The following LSAMP variants were observed in gnomAD, a reference collection of about 807,000 sequenced individuals.
LSAMP encodes the protein limbic system-associated membrane protein.
LSAMP carries 7 observed loss-of-function variants against 38.6 expected under a neutral mutation model. The observed-to-expected ratio is 0.18, with a 90% CI of 0.10 to 0.34. The LOEUF (loss-of-function observed/expected upper bound fraction) is 0.34. LSAMP is among the 10% of genes least tolerant of loss of function. LSAMP has a pLI of 1.00. For missense variants in LSAMP, 313 were observed against 420.0 expected (o/e 0.75, Z 2.23); for synonymous variants, 154 against 166.8 (o/e 0.92, Z 0.59).
intron 3 of LSAMP, among the ~76,000 whole-genome samples, chr3:115,953,255 G>C (rs143084387): frequency 6.6e-6 from 1 of 152,074 alleles, no homozygotes; most frequent in East Asian, 1.9e-4. Context: ...TGATTATTTA[G>C]GTGATTTTCC....
intron 1 of LSAMP, among the ~76,000 whole-genome samples, chr3:116,420,383 C>G (rs1202658001): frequency 6.6e-6 from 1 of 151,974 alleles, no homozygotes; most frequent in African/African-American, 2.4e-5. Context: ...CAGGCCTGAG[C>G]CATTGCGCCC....
chr3:116,338,531 A>G (rs2047951178), intron 1 of LSAMP, among the ~76,000 whole-genome samples: 2 of 152,024 alleles, frequency 1.3e-5, no homozygotes, highest in Non-Finnish European at 2.9e-5. Context: ...TAGGCAGGTA[A>G]GCTAGAAGCA....
chr3:116,292,846 G>C (rs927204559), intron 1 of LSAMP, among the ~76,000 whole-genome samples: 1 of 152,156 alleles, frequency 6.6e-6, no homozygotes, highest in African/African-American at 2.4e-5. Flanking sequence ...GAACCTAAGG[G>C]CATGTAAGGG....
At chr3:116,123,159 G>A (rs1708921268) in intron 1 of LSAMP, among the ~76,000 whole-genome samples, 1 of 152,196 alleles carries the variant, frequency 6.6e-6, no homozygotes, top group Admixed American at 6.5e-5. Context: ...GTTGGATCAT[G>A]TCTCCTCTAC....
chr3:115,949,801 A>G (rs1938223244), intron 3 of LSAMP, among the ~76,000 whole-genome samples: 1 of 152,058 alleles, frequency 6.6e-6, no homozygotes, highest in African/African-American at 2.4e-5. Flanking sequence ...AAAGAAAACT[A>G]CAGATCAGTA....
intron 1 of LSAMP, among the ~76,000 whole-genome samples, chr3:116,366,034 A>AG (rs2048348275): frequency 6.8e-6 from 1 of 146,168 alleles, no homozygotes; most frequent in Non-Finnish European, 1.5e-5. Flanking sequence ...AAAAAAAAAA[A>AG]AAAAAGAACT....
At chr3:115,923,128 C>T (rs983118799) in intron 3 of LSAMP, among the ~76,000 whole-genome samples, 1 of 152,192 alleles carries the variant, frequency 6.6e-6, no homozygotes, top group African/African-American at 2.4e-5. Flanking sequence ...TCTTTCCATG[C>T]TTCTGTGTTC....
chr3:115,945,538 C>T (rs1197891280), intron 3 of LSAMP, among the ~76,000 whole-genome samples: 2 of 152,038 alleles, frequency 1.3e-5, no homozygotes, highest in African/African-American at 4.8e-5. Context: ...TCAGGGCCAC[C>T]AAACTGTAAT....
chr3:115,996,418 G>A (rs1023585604), intron 3 of LSAMP, among the ~76,000 whole-genome samples: 2 of 151,950 alleles, frequency 1.3e-5, no homozygotes, highest in Non-Finnish European at 2.9e-5. Flanking sequence ...GTTATCCTTG[G>A]TCTGTTGTAA....
chr3:116,090,282 G>T (rs1013526618), intron 1 of LSAMP, among the ~76,000 whole-genome samples: 1 of 151,870 alleles, frequency 6.6e-6, no homozygotes, highest in Non-Finnish European at 1.5e-5. Context: ...AATTTGTAGA[G>T]GTCTACGTTT....
intron 1 of LSAMP, among the ~76,000 whole-genome samples, chr3:116,170,329 A>G (rs1710165552): frequency 6.6e-6 from 1 of 152,196 alleles, no homozygotes; most frequent in East Asian, 1.9e-4. Flanking sequence ...GCTTAGTGGC[A>G]TAAGATAGCA....
intron 1 of LSAMP, among the ~76,000 whole-genome samples, chr3:116,403,682 A>C (rs2048866672): frequency 6.6e-6 from 1 of 152,154 alleles, no homozygotes; most frequent in African/African-American, 2.4e-5. Flanking sequence ...TATGCAGTGA[A>C]TGTGTCTCAT....
intron 6 of LSAMP, among the ~76,000 whole-genome samples, chr3:115,828,812 T>G (rs1193477151): frequency 6.6e-6 from 1 of 152,194 alleles, no homozygotes; most frequent in Non-Finnish European, 1.5e-5. Flanking sequence ...AGTGGAAGCT[T>G]GGATTTTTGT....
chr3:115,812,298 T>C (rs1263530231), intron 6 of LSAMP, among the ~76,000 whole-genome samples: 2 of 152,212 alleles, frequency 1.3e-5, no homozygotes, highest in Admixed American at 6.5e-5. Flanking sequence ...TGAATTGTTA[T>C]AGGATCATAT....
chr3:116,172,152 T>C (rs185276513), intron 1 of LSAMP, among the ~76,000 whole-genome samples: 25 of 152,078 alleles, frequency 1.6e-4, no homozygotes, highest in Admixed American at 1.5e-3. Flanking sequence ...TTCTAGATCA[T>C]GTCAGGTACT....
chr3:116,095,779 G>A (rs147524681), intron 1 of LSAMP, among the ~76,000 whole-genome samples: 32 of 152,276 alleles, frequency 2.1e-4, no homozygotes, highest in African/African-American at 4.6e-4. Context: ...TCTGGATCAC[G>A]TCAGAAAAAT....
intron 1 of LSAMP, among the ~76,000 whole-genome samples, chr3:116,200,786 A>T (rs996280870): frequency 1.3e-5 from 2 of 152,202 alleles, no homozygotes; most frequent in African/African-American, 4.8e-5. Context: ...AACAAAAAGC[A>T]AGAGAAAATA....
chr3:116,143,282 C>A (rs1263009972), intron 1 of LSAMP, among the ~76,000 whole-genome samples: 18 of 151,628 alleles, frequency 1.2e-4, no homozygotes, highest in Non-Finnish European at 8.8e-5. Context: ...CTAAAAATAT[C>A]CATTTTATCT....
At chr3:115,890,332 C>T (rs1936564007) in intron 3 of LSAMP, among the ~76,000 whole-genome samples, 1 of 151,868 alleles carries the variant, frequency 6.6e-6, no homozygotes, top group Non-Finnish European at 1.5e-5. Flanking sequence ...AGTCATGTAA[C>T]TATATGTCAT....
Sources: gnomAD v4.1 joint callset for allele counts (sites outside exome capture counted in the v4.1 genomes callset) on GRCh38, gnomAD v4.1.1 for gene constraint, MANE v1.5 for transcripts, NCBI Gene and HGNC (gene_info 2026-07-23, HGNC 2026-07-21) for gene names.